The following BMERB1 variants were observed in gnomAD, a reference collection of about 807,000 sequenced individuals.
The protein encoded by BMERB1 is bMERB domain-containing protein 1.
BMERB1 carries 12 observed loss-of-function variants against 23.6 expected under a neutral mutation model. That is an observed-to-expected ratio of 0.51 (90% confidence interval 0.33 to 0.82). The LOEUF (loss-of-function observed/expected upper bound fraction) is 0.82. BMERB1 is among the 40% of genes least tolerant of loss of function. The pLI is 0.03. For synonymous variants in BMERB1, 122 were observed against 96.6 expected, an observed-to-expected ratio of 1.26 and a Z score of -1.54; for missense variants, 247 against 255.4, an observed-to-expected ratio of 0.97 and a Z score of 0.22.
chr16:15,470,440 C>G (rs1185657229), intron 1 of BMERB1, among the ~76,000 whole-genome samples: 3 of 151,762 alleles, frequency 2.0e-5, no homozygotes, highest in Non-Finnish European at 2.9e-5. Flanking sequence ...CTGTAGTTTT[C>G]CTTTGTTGTA....
intron 1 of BMERB1, among the ~76,000 whole-genome samples, chr16:15,462,062 G>T (rs2051139993): frequency 6.7e-6 from 1 of 148,240 alleles, no homozygotes; most frequent in East Asian, 2.0e-4. Context: ...CATGTCCCAT[G>T]CAATATTTGG....
chr16:15,534,820 G>A lies in BMERB1; in HGVS notation c.230+19392G>A, dbSNP rs191104960. On this transcript the variant is annotated intron_variant, in intron 2 of 5. Transcript: ENST00000300006. Reference sequence around the variant, plus strand: ...CTCCTGTCTTATCCACAGCAGCTTTGCCCTCTTCTAAGAAGCCACGGCACC... The same window carrying A: ...CTCCTGTCTTATCCACAGCAGCTTTACCCTCTTCTAAGAAGCCACGGCACC... Among the ~76,000 whole-genome samples, 5 of 151,900 alleles carry A rather than the reference G, an allele frequency of 3.3e-5. No individual in the cohort carries two copies. In the East Asian group the frequency reaches 7.7e-4, roughly 23 times the overall value.
intron 2 of BMERB1, among the ~76,000 whole-genome samples, chr16:15,537,680 A>C (rs994859128): frequency 1.3e-5 from 2 of 150,082 alleles, no homozygotes; most frequent in Non-Finnish European, 3.0e-5. Context: ...TTTTTAAGAG[A>C]CGGGCTTTCA....
chr16:15,585,973 C>G (rs2031129306), intron 5 of BMERB1, among the ~76,000 whole-genome samples: 1 of 151,744 alleles, frequency 6.6e-6, no homozygotes, highest in Admixed American at 6.6e-5. Flanking sequence ...TTTAAATGAT[C>G]AAAGAGCTAA....
intron 2 of BMERB1, chr16:15,532,943 A>G (rs937865783): frequency 2.2e-6 from 1 of 452,100 alleles, no homozygotes; most frequent in African/African-American, 2.0e-5. Context: ...CTTGCTCCGG[A>G]TTAAATTACA....
intron 1 of BMERB1, among the ~76,000 whole-genome samples, chr16:15,498,953 C>T (rs1348264265): frequency 1.3e-5 from 2 of 152,222 alleles, no homozygotes; most frequent in Non-Finnish European, 2.9e-5. Context: ...TATGGAGCAG[C>T]AGTGAGATGA....
chr16:15,580,699 C>A (rs1428094283), intron 3 of BMERB1, among the ~76,000 whole-genome samples: 1 of 151,944 alleles, frequency 6.6e-6, no homozygotes, highest in Non-Finnish European at 1.5e-5. Flanking sequence ...AGGCACCCGC[C>A]ACCACACCCG....
rs574880133 is a variant in BMERB1, at chr16:15,583,849, C to T, written c.502+611C>T. 1.5e-4 allele frequency among the ~76,000 whole-genome samples: 23 copies of T among 152,312 alleles called. No individual in the cohort carries two copies. In the East Asian group the frequency reaches 3.9e-3, roughly 26 times the overall value. ...TGTTGCTGTCTAGAAATTGTTAATA[C>T]GTTTGGAACATGGGGCCCTACATTT... On this transcript the variant is annotated intron_variant, in intron 5 of 5. Coordinates refer to ENST00000300006, the MANE Select transcript of BMERB1 (RefSeq NM_033201.3).
intron 1 of BMERB1, among the ~76,000 whole-genome samples, chr16:15,503,908 A>G (rs1175335878): frequency 6.6e-6 from 1 of 152,206 alleles, no homozygotes; most frequent in Non-Finnish European, 1.5e-5. Context: ...CCACAAGGGC[A>G]GAGATTTTTG....
At chr16:15,520,783 G>T (rs967497018) in intron 2 of BMERB1, among the ~76,000 whole-genome samples, 5 of 152,072 alleles carry the variant, frequency 3.3e-5, no homozygotes, top group Non-Finnish European at 7.4e-5. Flanking sequence ...CACTGCACCC[G>T]GCCCATAGAT....
chr16:15,452,333 A>AGAGAGGGAGGGAGG (rs746284226), intron 1 of BMERB1, among the ~76,000 whole-genome samples: 4 of 138,578 alleles, frequency 2.9e-5, no homozygotes, highest in Non-Finnish European at 6.3e-5. Context: ...GGAGGGAGGG[A>AGAGAGGGAGGGAGG]GAGAGAGAGA....
chr16:15,444,123 G>GTTTTTTTT (rs150793082), intron 1 of BMERB1, among the ~76,000 whole-genome samples: 1,006 of 35,566 alleles, frequency 0.028, 212 homozygotes, highest in Non-Finnish European at 0.039. Context: ...CACCAGCTTT[G>GTTTTTTTT]TTTTTTTTTT....
chr16:15,480,489 C>G (rs535711522), intron 1 of BMERB1, among the ~76,000 whole-genome samples: 1 of 151,696 alleles, frequency 6.6e-6, no homozygotes, highest in Admixed American at 6.6e-5. Context: ...CCTATCCCTA[C>G]TAATTTGTAA....
intron 1 of BMERB1, among the ~76,000 whole-genome samples, chr16:15,496,116 G>A (rs920677163): frequency 6.8e-6 from 1 of 147,594 alleles, no homozygotes; most frequent in African/African-American, 2.7e-5. Context: ...TAGTAATGAT[G>A]GTGATAATGG....
At chr16:15,550,903 G>A (rs900554752) in intron 2 of BMERB1, among the ~76,000 whole-genome samples, 1 of 152,166 alleles carries the variant, frequency 6.6e-6, no homozygotes, top group African/African-American at 2.4e-5. Flanking sequence ...ATGAGATTGG[G>A]CTGGATACAA....
chr16:15,584,552 C>T (rs1421475241), intron 5 of BMERB1, among the ~76,000 whole-genome samples: 2 of 116,596 alleles, frequency 1.7e-5, no homozygotes, highest in African/African-American at 6.0e-5. Context: ...AGCAAGACTC[C>T]ATCTCAAAAA....
intron 2 of BMERB1, among the ~76,000 whole-genome samples, chr16:15,516,648 A>G (rs796151870): frequency 7.2e-5 from 9 of 125,008 alleles, no homozygotes; most frequent in African/African-American, 2.8e-4. Context: ...TCTTTTAGGC[A>G]GGCTAGGCCC....
intron 2 of BMERB1, among the ~76,000 whole-genome samples, chr16:15,526,751 A>G (rs2051910021): frequency 6.6e-6 from 1 of 150,582 alleles, no homozygotes; most frequent in African/African-American, 2.4e-5. Flanking sequence ...AAGCATTACC[A>G]CAAGTTTGTG....
chr16:15,540,521 G>T (rs976907143), intron 2 of BMERB1, among the ~76,000 whole-genome samples: 1 of 152,110 alleles, frequency 6.6e-6, no homozygotes, highest in South Asian at 2.1e-4. Context: ...GTGAGACCCT[G>T]TCTCAAATAA....
Sources: gnomAD v4.1 joint callset for allele counts (sites outside exome capture counted in the v4.1 genomes callset) on GRCh38, gnomAD v4.1.1 for gene constraint, MANE v1.5 for transcripts, NCBI Gene and HGNC (gene_info 2026-07-23, HGNC 2026-07-21) for gene names.